Variants in CFAP43 observed in about 807,000 individuals in gnomAD.
CFAP43 encodes the protein cilia- and flagella-associated protein 43.
CFAP43 carries 155 observed loss-of-function variants against 218.9 expected under a neutral mutation model. That is an observed-to-expected ratio of 0.71 (90% CI 0.62 to 0.81). The LOEUF is 0.81. CFAP43 is among the 30% of genes least tolerant of loss of function. The pLI, the probability that CFAP43 is intolerant of heterozygous loss-of-function variation, is 0.00. For synonymous variants in CFAP43, 645 were observed against 681.3 expected (o/e 0.95, Z 0.83); for missense variants, 1,778 against 1,954.3 (o/e 0.91, Z 1.70).
At chr10:104,204,216 T>C (rs1377931098) in intron 7 of CFAP43, among the ~76,000 whole-genome samples, 1 of 152,214 alleles carries the variant, frequency 6.6e-6, no homozygotes, top group Non-Finnish European at 1.5e-5. Flanking sequence ...GCATTTCTTA[T>C]CTCCCTAAAT....
rs187027982 is a variant in CFAP43, at chr10:104,201,111, T to C, written c.1095+2561A>G. Among the ~76,000 whole-genome samples the C allele has an allele frequency of 7.9e-5, 12 of 152,370 alleles. 1 individual carries two copies. Among genetic ancestry groups the C allele is most frequent in the Admixed American group, 7.2e-4 (11 of 15,308 alleles). ...TGCTTTGTTTCTCCTTGTCACTCTG[T>C]CATGCTTTGTTTTAAATCTCTAAGG... On this transcript the variant is annotated intron_variant, in intron 8 of 37. Coordinates refer to ENST00000357060, the MANE Select transcript of CFAP43 (RefSeq NM_025145.7).
chr10:104,144,400 C>G (rs1564717294), intron 31 of CFAP43, among the ~76,000 whole-genome samples: 1 of 152,154 alleles, frequency 6.6e-6, no homozygotes, highest in Non-Finnish European at 1.5e-5. Flanking sequence ...CCTATAATCC[C>G]AACACTTTGG....
chr10:104,218,732 C>T, intron 3 of CFAP43: 1 of 518,212 alleles, frequency 1.9e-6, no homozygotes, highest in East Asian at 4.4e-5. Flanking sequence ...AAGGTTTGTG[C>T]CCTTCCCCTC....
rs191455432 is a variant in CFAP43, at chr10:104,160,308, G to A, written c.3540+729C>T. Among the ~76,000 whole-genome samples the A allele has an allele frequency of 7.9e-5, 12 of 152,248 alleles. No individual in the cohort carries two copies. In the East Asian group the frequency reaches 2.1e-3, roughly 27 times the overall value. On this transcript the variant is annotated intron_variant, in intron 27 of 37. Transcript: ENST00000357060. The stretch of plus-strand genomic sequence containing the variant: ...AGAACCATTTTAGGTTAAAATACAA[G>A]GGACCCTACAGGGCCACAGTGAATA...
intron 4 of CFAP43, among the ~76,000 whole-genome samples, chr10:104,213,103 G>A (rs57269525): frequency 0.12 from 18,331 of 152,166 alleles, 2,219 homozygotes; most frequent in African/African-American, 0.32. Context: ...ATTAAAAGGT[G>A]CAGTGTTGTC....
intron 16 of CFAP43, 107 bp downstream of exon 16, chr10:104,184,909 T>C: frequency 1.3e-6 from 2 of 1,490,344 alleles, no homozygotes; most frequent in East Asian, 2.4e-5. Flanking sequence ...TTCTTTGCAC[T>C]GGCAGTGGTC....
intron 3 of CFAP43, among the ~76,000 whole-genome samples, chr10:104,219,301 A>C (rs2091112086): frequency 6.6e-6 from 1 of 151,930 alleles, no homozygotes; most frequent in African/African-American, 2.4e-5. Flanking sequence ...ACACCTCCCA[A>C]ATAGTTTCAC....
chr10:104,166,244 T>A (rs925508955), intron 23 of CFAP43, among the ~76,000 whole-genome samples: 24 of 152,204 alleles, frequency 1.6e-4, no homozygotes, highest in African/African-American at 5.5e-4. Context: ...CAGCTAATTT[T>A]TTAATTTTTA....
rs201342118 is a variant in CFAP43, at chr10:104,152,602, T to C, written c.3660+5A>G. 31 of 1,612,994 alleles carry C rather than the reference T, an allele frequency of 1.9e-5. No individual in the cohort carries two copies. In the African/African-American group the frequency reaches 3.9e-4, roughly 20 times the overall value. On this transcript the variant is annotated splice_donor_5th_base_variant and intron_variant, in intron 28 of 37. Coordinates refer to ENST00000357060, the MANE Select transcript of CFAP43 (RefSeq NM_025145.7). ...AAAAGTCACATAAGTAAAGCTTTTA[T>C]TTACCTGGTTGGTAACCATCTCTGC...
intron 20 of CFAP43, among the ~76,000 whole-genome samples, 196 bp downstream of exon 20, chr10:104,172,214 T>C (rs2089441054): frequency 6.6e-6 from 1 of 152,210 alleles, no homozygotes; most frequent in African/African-American, 2.4e-5. Flanking sequence ...CTGGCCTAGA[T>C]GTTCTCCCTG....
At chr10:104,131,223 T>A (rs1463476481) in intron 37 of CFAP43, 108 bp downstream of exon 37, 5 of 1,312,844 alleles carry the variant, frequency 3.8e-6, no homozygotes, top group Non-Finnish European at 3.1e-6. Flanking sequence ...TTAAACAATG[T>A]ATTTTTAAAG....
intron 27 of CFAP43, among the ~76,000 whole-genome samples, chr10:104,157,220 C>T (rs2088595101): frequency 6.6e-6 from 1 of 152,134 alleles, no homozygotes; most frequent in Admixed American, 6.5e-5. Context: ...TTTCCCTGGA[C>T]TCTGTTTAGT....
At chr10:104,185,873 T>C in intron 15 of CFAP43, 101 bp downstream of exon 15, 1 of 979,416 alleles carries the variant, frequency 1.0e-6, no homozygotes, top group Non-Finnish European at 1.5e-6. Context: ...TTTTCAGAGT[T>C]TTTATGCATA....
intron 28 of CFAP43, among the ~76,000 whole-genome samples, chr10:104,149,134 T>G (rs1008445386): frequency 1.3e-4 from 20 of 152,348 alleles, no homozygotes; most frequent in African/African-American, 4.8e-4. Flanking sequence ...GTGTAGTTTA[T>G]CAAGGCTTCA....
chr10:104,196,803 T>C, intron 10 of CFAP43, 50 bp downstream of exon 10: 2 of 1,432,320 alleles, frequency 1.4e-6, no homozygotes, highest in South Asian at 2.5e-5. Context: ...AAAAGTAGAT[T>C]GGATTAGAAT....
chr10:104,147,820 T>G (rs2088049070), intron 29 of CFAP43, 71 bp downstream of exon 29: 202 of 1,066,192 alleles, frequency 1.9e-4, no homozygotes, highest in Non-Finnish European at 2.5e-4. Context: ...TCTAGACACG[T>G]GAGCTCTTGC....
At chr10:104,210,114 A>G (rs1370966885) in intron 5 of CFAP43, among the ~76,000 whole-genome samples, 1 of 152,250 alleles carries the variant, frequency 6.6e-6, no homozygotes, top group Non-Finnish European at 1.5e-5. Context: ...GAGAAGAAAT[A>G]AAAGTGTGTA....
At chr10:104,164,350 T>G (rs2089037690) in intron 23 of CFAP43, 50 bp from the exon 24 acceptor site, 2 of 1,342,040 alleles carry the variant, frequency 1.5e-6, no homozygotes, top group African/African-American at 2.9e-5. Flanking sequence ...ATATCTTTAC[T>G]GGTAACATGA....
At chr10:104,164,042 T>C (rs2089018496) in intron 24 of CFAP43, 52 bp downstream of exon 24, 2 of 1,584,600 alleles carry the variant, frequency 1.3e-6, no homozygotes, top group African/African-American at 2.7e-5. Context: ...AAATAGGAGC[T>C]GGGGAAAGTC....
Sources: allele counts gnomAD v4.1 joint callset (sites outside exome capture counted in the v4.1 genomes callset), GRCh38; gene constraint gnomAD v4.1.1; transcripts MANE v1.5; gene names NCBI Gene and HGNC (gene_info 2026-07-23, HGNC 2026-07-21).